ADGRL2: variants seen among roughly 807,000 people sequenced by gnomAD.
ADGRL2 encodes the protein calcium-independent alpha-latrotoxin receptor 2.
ADGRL2 carries 44 observed loss-of-function variants against 157.4 expected under a neutral mutation model. The ratio of observed to expected loss-of-function variants is 0.28; its 90% CI spans 0.22 to 0.36. The LOEUF is 0.36. Ranked by LOEUF, ADGRL2 falls within the 10% of genes least tolerant of loss-of-function variation. ADGRL2 has a pLI of 1.00. For missense variants in ADGRL2, 1,510 were observed against 1,768.9 expected (o/e 0.85, Z 2.63); for synonymous variants, 585 against 624.7 (o/e 0.94, Z 0.95).
At chr1:81,517,612 A>G (rs552333737) in intron 2 of ADGRL2, among the ~76,000 whole-genome samples, 9 of 152,264 alleles carry the variant, frequency 5.9e-5, no homozygotes, top group Non-Finnish European at 1.3e-4. Context: ...GAAAGGAGAA[A>G]GAGGAAGTAA....
chr1:81,579,236 G>A (rs754814199), intron 2 of ADGRL2: 7 of 152,120 alleles, frequency 4.6e-5, no homozygotes, highest in Non-Finnish European at 8.8e-5. Context: ...CATCAACCAT[G>A]CTGCTTCCAT....
chr1:81,462,434 C>G (rs2077957526), intron 2 of ADGRL2, among the ~76,000 whole-genome samples: 1 of 149,068 alleles, frequency 6.7e-6, no homozygotes, highest in African/African-American at 2.4e-5. Flanking sequence ...TGGCTTCATT[C>G]TTGAAGTCAG....
chr1:81,327,847 C>T (rs1449548072), intron 1 of ADGRL2, among the ~76,000 whole-genome samples: 2 of 152,096 alleles, frequency 1.3e-5, no homozygotes, highest in Non-Finnish European at 1.5e-5. Flanking sequence ...ACGTATAGGT[C>T]ATCCTGATAC....
intron 23 of ADGRL2, among the ~76,000 whole-genome samples, chr1:81,989,315 A>G (rs1342668970): frequency 2.0e-5 from 3 of 152,126 alleles, no homozygotes; most frequent in Non-Finnish European, 1.5e-5. Context: ...TGTGACCCAT[A>G]CTTAAGAAAT....
At chr1:81,830,030 T>C (rs2091827764) in intron 1 of ADGRL2, among the ~76,000 whole-genome samples, 1 of 152,222 alleles carries the variant, frequency 6.6e-6, no homozygotes, top group African/African-American at 2.4e-5. Context: ...TCTTAGCTTC[T>C]CATCACATTT....
At chr1:81,491,199 CAA>C (rs1164150575) in intron 2 of ADGRL2, among the ~76,000 whole-genome samples, 3 of 152,058 alleles carry the variant, frequency 2.0e-5, no homozygotes, top group Non-Finnish European at 4.4e-5. Context: ...CAGCTAAACA[CAA>C]AAGAGTACCT....
At chr1:81,707,584 G>A (rs2083779258) in intron 1 of ADGRL2, among the ~76,000 whole-genome samples, 1 of 152,140 alleles carries the variant, frequency 6.6e-6, no homozygotes, top group Non-Finnish European at 1.5e-5. Flanking sequence ...TAAAAGCCAT[G>A]ATAATCTGGA....
chr1:81,451,047 A>G (rs983753733), intron 2 of ADGRL2, among the ~76,000 whole-genome samples: 3 of 152,116 alleles, frequency 2.0e-5, no homozygotes, highest in South Asian at 4.2e-4. Flanking sequence ...TTTATTATTC[A>G]TTTTCATATA....
intron 2 of ADGRL2, among the ~76,000 whole-genome samples, chr1:81,555,268 T>TC (rs1289382667): frequency 6.8e-6 from 1 of 146,940 alleles, no homozygotes; most frequent in African/African-American, 2.6e-5. Context: ...TTCTTTTCTT[T>TC]TTTTTTTTTT....
chr1:81,601,739 ATG>A (rs2081336877), intron 3 of ADGRL2, among the ~76,000 whole-genome samples: 3 of 152,176 alleles, frequency 2.0e-5, no homozygotes, highest in Admixed American at 1.3e-4. Flanking sequence ...TTTCCCTCAG[ATG>A]TTTTCTCGTC....
At chr1:81,705,278 G>T (rs2083696610) in intron 1 of ADGRL2, among the ~76,000 whole-genome samples, 1 of 152,066 alleles carries the variant, frequency 6.6e-6, no homozygotes, top group African/African-American at 2.4e-5. Context: ...TGATCTACCT[G>T]CCTTGGCCTC....
chr1:81,875,463 A>G (rs1557824999), intron 2 of ADGRL2, among the ~76,000 whole-genome samples: 1 of 152,174 alleles, frequency 6.6e-6, no homozygotes, highest in Non-Finnish European at 1.5e-5. Flanking sequence ...CAGAAACATT[A>G]TGAGTATGTT....
chr1:81,416,494 A>G (rs1466477836), intron 1 of ADGRL2, among the ~76,000 whole-genome samples: 1 of 152,144 alleles, frequency 6.6e-6, no homozygotes, highest in Non-Finnish European at 1.5e-5. Flanking sequence ...TTATCTTCTC[A>G]TATTCCAAAT....
chr1:81,351,194 G>A (rs1341217738), intron 1 of ADGRL2, among the ~76,000 whole-genome samples: 1 of 151,014 alleles, frequency 6.6e-6, no homozygotes, highest in Non-Finnish European at 1.5e-5. Flanking sequence ...TATACAAGTT[G>A]TCAGTCCAGA....
At chr1:81,543,119 AATGT>A (rs1200215265) in intron 2 of ADGRL2, among the ~76,000 whole-genome samples, 1 of 152,030 alleles carries the variant, frequency 6.6e-6, no homozygotes, top group Non-Finnish European at 1.5e-5. Context: ...TTCCACAATT[AATGT>A]GACTATAGGA....
chr1:81,812,645 A>T (rs1361103983), intron 1 of ADGRL2, among the ~76,000 whole-genome samples: 1 of 151,746 alleles, frequency 6.6e-6, no homozygotes, highest in Non-Finnish European at 1.5e-5. Flanking sequence ...AATTTTCCAG[A>T]TATGTAACAT....
chr1:81,632,669 G>A (rs2082034399), intron 3 of ADGRL2, among the ~76,000 whole-genome samples: 1 of 151,764 alleles, frequency 6.6e-6, no homozygotes, highest in African/African-American at 2.4e-5. Flanking sequence ...TGAGGCAGGA[G>A]AATAGCGTGA....
intron 2 of ADGRL2, among the ~76,000 whole-genome samples, chr1:81,576,578 A>G (rs2080801549): frequency 6.6e-6 from 1 of 152,096 alleles, no homozygotes. Context: ...AGCAGATTCA[A>G]TCAAGGCCAG....
intron 16 of ADGRL2, among the ~76,000 whole-genome samples, chr1:81,971,577 T>C (rs1658761013): frequency 6.6e-6 from 1 of 152,176 alleles, no homozygotes; most frequent in South Asian, 2.1e-4. Context: ...TCTTAAGGAT[T>C]CAGTGGTGGA....
Sources: gnomAD v4.1 joint callset for allele counts (sites outside exome capture counted in the v4.1 genomes callset) on GRCh38, gnomAD v4.1.1 for gene constraint, MANE v1.5 for transcripts, NCBI Gene and HGNC (gene_info 2026-07-23, HGNC 2026-07-21) for gene names.